Variants in DPP10 observed in about 807,000 individuals in gnomAD.
DPP10 encodes inactive dipeptidyl peptidase 10.
DPP10 carries 33 observed loss-of-function variants against 120.9 expected under a neutral mutation model. That is an observed-to-expected ratio of 0.27 (90% CI 0.21 to 0.37). The LOEUF (loss-of-function observed/expected upper bound fraction) is 0.37, where lower values mean the gene tolerates loss of function less well. DPP10 is among the 10% of genes least tolerant of loss of function. DPP10 has a pLI of 1.00. For synonymous variants in DPP10, 337 were observed against 326.1 expected (o/e 1.03, Z -0.36); for missense variants, 816 against 942.8 (o/e 0.87, Z 1.76).
At chr2:115,503,148 G>A (rs2076771725) in intron 4 of DPP10, among the ~76,000 whole-genome samples, 1 of 152,032 alleles carries the variant, frequency 6.6e-6, no homozygotes, top group African/African-American at 2.4e-5. Context: ...ATTCATATAT[G>A]GCAGCAGAAT....
rs187370260 is a variant in DPP10, at chr2:115,468,737, G to A, written c.272-30773G>A. 434 of 389,146 alleles carry A rather than the reference G, an allele frequency of 1.1e-3. 6 individuals carry two copies. Among genetic ancestry groups the A allele is most frequent in the African/African-American group, 5.6e-3 (268 of 47,830 alleles). The allele number at this position is 389,146 out of a possible 1,614,324, so 24.1% of individuals were successfully genotyped here. On this transcript the variant is annotated intron_variant, in intron 3 of 25. Coordinates refer to ENST00000410059, the MANE Select transcript of DPP10 (RefSeq NM_020868.6). ...GACCAAGGAAGAAGAATTTCAGGAT[G>A]AATGGCCTACTGTAGCTCCTGAGTT... is the stretch of plus-strand genomic sequence containing the variant.
intron 7 of DPP10, among the ~76,000 whole-genome samples, chr2:115,720,770 G>A (rs958965536): frequency 6.6e-6 from 1 of 152,046 alleles, no homozygotes; most frequent in Non-Finnish European, 1.5e-5. Flanking sequence ...TTTATTCTAA[G>A]ATGTGTTCTT....
intron 1 of DPP10, among the ~76,000 whole-genome samples, chr2:114,572,795 T>G (rs928484830): frequency 8.5e-5 from 13 of 152,230 alleles, no homozygotes; most frequent in African/African-American, 3.1e-4. Flanking sequence ...CTGTTATCTC[T>G]TCTTACAGAT....
intron 1 of DPP10, among the ~76,000 whole-genome samples, chr2:115,212,611 CTTTAA>C (rs10545005): frequency 0.062 from 9,361 of 152,030 alleles, 325 homozygotes; most frequent in Middle Eastern, 0.11. Flanking sequence ...AACCAATTTT[CTTTAA>C]TTTAAAAGAA....
chr2:115,815,191 C>G (rs538234251), intron 20 of DPP10, among the ~76,000 whole-genome samples: 8 of 152,144 alleles, frequency 5.3e-5, no homozygotes, highest in Admixed American at 4.6e-4. Flanking sequence ...TATTTCCCCT[C>G]TGGAATTAAA....
chr2:114,720,293 A>C (rs1701620770), intron 1 of DPP10, among the ~76,000 whole-genome samples: 1 of 152,156 alleles, frequency 6.6e-6, no homozygotes, highest in Non-Finnish European at 1.5e-5. Flanking sequence ...AGGTCTCTTT[A>C]ATATATTTTT....
chr2:114,673,213 AGT>A (rs1698459698), intron 1 of DPP10, among the ~76,000 whole-genome samples: 1 of 152,108 alleles, frequency 6.6e-6, no homozygotes, highest in Non-Finnish European at 1.5e-5. Context: ...CACAAGCTTC[AGT>A]GTGTTGTTGG....
At position 115,164,673 on chromosome 2, in the gene DPP10, A is replaced by G. The variant is rs967766311; in HGVS notation, c.61-144566A>G. Among the ~76,000 whole-genome samples, 6 of 152,232 alleles carry G rather than the reference A, an allele frequency of 3.9e-5. No individual in the cohort carries two copies. In the South Asian group the frequency reaches 1.2e-3, roughly 32 times the overall value. ...TCAAACACCTATTTCCACTTATAGC[A>G]CAGTGGAAGACCATAATCCTTCCTG... On this transcript the variant is annotated intron_variant, in intron 1 of 25. Coordinates refer to ENST00000410059, the MANE Select transcript of DPP10 (RefSeq NM_020868.6).
intron 7 of DPP10, among the ~76,000 whole-genome samples, chr2:115,710,504 G>A (rs1039218662): frequency 6.6e-6 from 1 of 152,036 alleles, no homozygotes; most frequent in African/African-American, 2.4e-5. Context: ...CAGATTGCCT[G>A]ATAATTTTAG....
chr2:115,636,620 GAGA>G (rs2086355960), intron 5 of DPP10, among the ~76,000 whole-genome samples: 2 of 152,028 alleles, frequency 1.3e-5, no homozygotes, highest in Admixed American at 1.3e-4. Context: ...GAGAGAAGGA[GAGA>G]AGGAGAAAAA....
intron 10 of DPP10, among the ~76,000 whole-genome samples, chr2:115,748,965 C>A (rs1678360273): frequency 6.6e-6 from 1 of 152,138 alleles, no homozygotes; most frequent in African/African-American, 2.4e-5. Context: ...TCAGACTCAT[C>A]TCATCACCAT....
chr2:114,804,844 G>A (rs942143711), intron 1 of DPP10, among the ~76,000 whole-genome samples: 2 of 152,114 alleles, frequency 1.3e-5, no homozygotes, highest in African/African-American at 4.8e-5. Context: ...GACTTTGCAG[G>A]ACTGTTGGGA....
intron 15 of DPP10, among the ~76,000 whole-genome samples, chr2:115,779,637 A>G (rs997341764): frequency 2.6e-5 from 4 of 152,100 alleles, no homozygotes; most frequent in Non-Finnish European, 4.4e-5. Flanking sequence ...GTCACTGAAT[A>G]GCTGTATGCA....
chr2:115,289,938 C>A (rs2060585394), intron 1 of DPP10, among the ~76,000 whole-genome samples: 1 of 152,016 alleles, frequency 6.6e-6, no homozygotes, highest in South Asian at 2.1e-4. Context: ...TTGGCCTAGG[C>A]AAAGAATTTA....
chr2:115,110,383 T>C lies in DPP10; in HGVS notation c.61-198856T>C, dbSNP rs1270795343. The stretch of plus-strand genomic sequence containing the variant: ...CATTTTCCCTTGCCTGTCTTGGAGA[T>C]GAAAATAAATGAATTACTAGGAAAA... On this transcript the variant is annotated intron_variant, in intron 1 of 25. Transcript: ENST00000410059. 2.0e-5 allele frequency among the ~76,000 whole-genome samples: 3 copies of C among 152,190 alleles called. No individual in the cohort carries two copies. The East Asian group carries it at 5.8e-4, about 29-fold the overall frequency.
intron 5 of DPP10, among the ~76,000 whole-genome samples, chr2:115,625,029 T>C (rs758207133): frequency 6.6e-6 from 1 of 152,054 alleles, no homozygotes. Flanking sequence ...CCAGGGAGAA[T>C]TTTATAAATA....
At chr2:115,161,845 T>G (rs2052395793) in intron 1 of DPP10, 92 of 505,396 alleles carry the variant, frequency 1.8e-4, no homozygotes, top group Non-Finnish European at 2.3e-4. Flanking sequence ...ACCCCGTCCC[T>G]TCCGCCGATT....
chr2:115,077,076 T>C (rs17043985), intron 1 of DPP10, among the ~76,000 whole-genome samples: 27,532 of 152,188 alleles, frequency 0.18, 2,832 homozygotes, highest in East Asian at 0.36. Context: ...GGGCCACCTC[T>C]ACTGTCACTA....
At chr2:115,061,284 C>T (rs570479642) in intron 1 of DPP10, among the ~76,000 whole-genome samples, 3 of 152,034 alleles carry the variant, frequency 2.0e-5, no homozygotes, top group Non-Finnish European at 2.9e-5. Context: ...TTTGACTATT[C>T]GTTATTAAAA....
Sources: gnomAD v4.1 joint callset for allele counts (sites outside exome capture counted in the v4.1 genomes callset) on GRCh38, gnomAD v4.1.1 for gene constraint, MANE v1.5 for transcripts, NCBI Gene and HGNC (gene_info 2026-07-23, HGNC 2026-07-21) for gene names.